Variants in CC2D2B observed in about 807,000 individuals in gnomAD.
The protein encoded by CC2D2B is coiled-coil and C2 domain containing 2B.
CC2D2B carries 128 observed loss-of-function variants against 161.2 expected under a neutral mutation model. The ratio of observed to expected loss-of-function variants is 0.79; its 90% CI spans 0.69 to 0.92. CC2D2B has a LOEUF of 0.92. CC2D2B is among the 40% of genes least tolerant of loss of function. The pLI is 0.00. For synonymous variants in CC2D2B, 391 were observed against 449.8 expected (o/e 0.87, Z 1.65); for missense variants, 1,173 against 1,375.1 (o/e 0.85, Z 2.32).
intron 19 of CC2D2B, among the ~76,000 whole-genome samples, chr10:95,986,844 G>C (rs142253602): frequency 0.04 from 6,078 of 152,010 alleles, 231 homozygotes; most frequent in African/African-American, 0.093. Flanking sequence ...TGATCCGCCC[G>C]CCTCGGCCTC....
chr10:95,972,642 A>C (rs1440441192), intron 16 of CC2D2B, among the ~76,000 whole-genome samples: 1 of 152,158 alleles, frequency 6.6e-6, no homozygotes, highest in Non-Finnish European at 1.5e-5. Context: ...AAATGAATTA[A>C]ATTATTCATT....
intron 15 of CC2D2B, among the ~76,000 whole-genome samples, chr10:95,970,049 T>C (rs1436975587): frequency 1.3e-5 from 2 of 151,894 alleles, no homozygotes; most frequent in East Asian, 3.9e-4. Context: ...TTTTTTTTTT[T>C]TTCTAAGATG....
intron 9 of CC2D2B, among the ~76,000 whole-genome samples, chr10:95,943,607 C>T (rs2076096086): frequency 6.6e-6 from 1 of 152,026 alleles, no homozygotes; most frequent in Admixed American, 6.6e-5. Context: ...TGTAAATATT[C>T]TAATTTTCTT....
Position 95,988,800 on chromosome 10 carries a change from C to G in CC2D2B, c.2379+458C>G, listed in dbSNP as rs562707741. ...AAATAGTGAATATTTACAAAACACT[C>G]TAGCAGAGTCTTAACCAGGTTTGAG... On this transcript the variant is annotated intron_variant, in intron 20 of 34. Transcript: ENST00000646931. Among the ~76,000 whole-genome samples, 8 of 152,324 alleles carry G rather than the reference C, an allele frequency of 5.3e-5. No individual in the cohort carries two copies. The South Asian group carries it at 1.7e-3, about 32-fold the overall frequency.
At chr10:95,950,940 T>C (rs568763086) in intron 10 of CC2D2B, among the ~76,000 whole-genome samples, 12 of 152,106 alleles carry the variant, frequency 7.9e-5, no homozygotes, top group African/African-American at 2.6e-4. Flanking sequence ...TTGCCTCAGC[T>C]TCCTGAGTAG....
At chr10:96,023,335 T>G (rs2079552079) in intron 32 of CC2D2B, among the ~76,000 whole-genome samples, 2 of 152,186 alleles carry the variant, frequency 1.3e-5, no homozygotes, top group African/African-American at 4.8e-5. Context: ...GTGAACACTA[T>G]TACACACAAT....
chr10:96,007,039 T>C (rs1473474684), intron 25 of CC2D2B, among the ~76,000 whole-genome samples: 4 of 152,152 alleles, frequency 2.6e-5, no homozygotes, highest in Non-Finnish European at 5.9e-5. Flanking sequence ...TTATTTGACT[T>C]TGAAGTTCAG....
At chr10:95,965,865 G>T in intron 12 of CC2D2B, 31 bp from the exon 13 acceptor site, 1 of 877,554 alleles carries the variant, frequency 1.1e-6, no homozygotes, top group African/African-American at 1.8e-5. Context: ...CATTATTTCT[G>T]CTTTCAATAA....
intron 12 of CC2D2B, among the ~76,000 whole-genome samples, chr10:95,963,753 T>A (rs562492178): frequency 1.3e-5 from 2 of 152,276 alleles, no homozygotes; most frequent in South Asian, 4.1e-4. Context: ...ATCAGTGAAG[T>A]TCACTACTAA....
intron 6 of CC2D2B, among the ~76,000 whole-genome samples, chr10:95,936,069 C>G (rs1025000364): frequency 1.3e-5 from 2 of 152,142 alleles, no homozygotes. Context: ...AAAACAAAAG[C>G]GGGCCGTGTC....
chr10:96,017,918 C>A (rs181316209), intron 30 of CC2D2B, among the ~76,000 whole-genome samples: 4 of 152,276 alleles, frequency 2.6e-5, no homozygotes, highest in Non-Finnish European at 5.9e-5. Flanking sequence ...ACCTGGGCAA[C>A]AGAGCAAGAC....
Position 96,033,248 on chromosome 10 carries a change from G to A in CC2D2B, c.*1240G>A, listed in dbSNP as rs1015421200. On this transcript the variant is annotated 3_prime_UTR_variant, in exon 35 of 35. Transcript: ENST00000646931. ...CAATCTGTATCTGTTTCCTAAATGT[G>A]CATGGGCTGGTGCCAGAAAAGGCCT... is the stretch of plus-strand genomic sequence containing the variant. 6.6e-5 allele frequency among the ~76,000 whole-genome samples: 10 copies of A among 152,142 alleles called. No individual in the cohort carries two copies. The highest frequency in any genetic ancestry group is 1.5e-4 in the Non-Finnish European group (10 of 68,016).
In CC2D2B at chr10:96,012,670, G is replaced by T; in HGVS notation, c.3367G>T (p.Ala1123Ser). ...IQFLVTRYIK[A>S]LNPPQQLLDI... ...GTTCTTAGTCACAAGATATATCAAG[G>T]CATTAAATCCACCTCAGCAACTTCT... The change falls in exon 28 of 35, where the codon GCA becomes TCA. Residue 1123 changes from alanine to serine, a missense_variant. Physicochemically the swap from Ala to Ser is moderately conservative, Grantham distance 99. This residue lies in a region of CC2D2B where 598 missense variants were observed against 693.2 expected (regional missense o/e 0.86). Coordinates refer to ENST00000646931, the MANE Select transcript of CC2D2B (RefSeq NM_001349008.3). 6.2e-7 allele frequency: 1 copy of T among 1,610,562 alleles called. No homozygotes were observed. The highest frequency in any genetic ancestry group is 8.5e-7 in the Non-Finnish European group (1 of 1,176,918).
At chr10:96,025,160 T>TATATATATATATAAAAAAAAAAA (rs2079651930) in intron 33 of CC2D2B, among the ~76,000 whole-genome samples, 1 of 6,202 alleles carries the variant, frequency 1.6e-4, no homozygotes, top group Admixed American at 2.7e-3. Context: ...AAAAAATATA[T>TATATATATATATAAAAAAAAAAA]ATATATATAT....
chr10:95,994,110 A>G (rs1027986174), intron 22 of CC2D2B, among the ~76,000 whole-genome samples: 3 of 150,540 alleles, frequency 2.0e-5, no homozygotes, highest in Non-Finnish European at 3.0e-5. Flanking sequence ...CGCTGGGCCC[A>G]GGGGACCACT....
chr10:95,923,509 T>G (rs1325679310), intron 3 of CC2D2B, among the ~76,000 whole-genome samples: 1 of 152,246 alleles, frequency 6.6e-6, no homozygotes, highest in African/African-American at 2.4e-5. Context: ...TTTAGATTCC[T>G]GTCTTTTCAG....
chr10:96,031,172 G>C (rs2080050765), intron 34 of CC2D2B, among the ~76,000 whole-genome samples: 1 of 152,242 alleles, frequency 6.6e-6, no homozygotes, highest in Non-Finnish European at 1.5e-5. Flanking sequence ...TACATCTGCA[G>C]AGATTATGGG....
chr10:96,014,128 A>G (rs2141873313), intron 29 of CC2D2B, among the ~76,000 whole-genome samples: 1 of 152,288 alleles, frequency 6.6e-6, no homozygotes, highest in African/African-American at 2.4e-5. Context: ...GTATAATATT[A>G]TGCCATTCTC....
rs778487812 is a variant in CC2D2B, at chr10:95,927,322, C to T, written c.326C>T (p.Ser109Phe). The change falls in exon 6 of 35, where the codon TCT becomes TTT. Residue 109 changes from serine to phenylalanine, a missense_variant. Transcript: ENST00000646931. ...SGEEGSALGK[S>F]SEQRPVNRSY... ...GAAGAAGGTTCAGCTTTGGGCAAGT[C>T]TTCAGAGCAGGTTGGATTTGTTTGC... is the stretch of plus-strand genomic sequence containing the variant. 1 of 1,547,230 alleles carries T rather than the reference C, an allele frequency of 6.5e-7. No individual in the cohort carries two copies. Among genetic ancestry groups the T allele is most frequent in the South Asian group, 1.2e-5 (1 of 83,802 alleles).
Sources: gnomAD v4.1 joint callset for allele counts (sites outside exome capture counted in the v4.1 genomes callset) on GRCh38, gnomAD v4.1.1 for gene constraint, gnomAD v4.1.1 regional missense constraint, MANE v1.5 for transcripts, NCBI Gene and HGNC (gene_info 2026-07-23, HGNC 2026-07-21) for gene names.